Variants in CFTR observed in about 807,000 individuals in gnomAD.
The protein encoded by CFTR is CF transmembrane conductance regulator.
A neutral mutation model predicts 171.6 loss-of-function variants in CFTR; 181 were observed. The observed-to-expected ratio is 1.05, with a 90% CI of 0.93 to 1.19. CFTR has a LOEUF of 1.19. Among genes scored for constraint, CFTR ranks in the 50% most tolerant of loss-of-function variants. CFTR has a pLI of 0.00. For synonymous variants in CFTR, 583 were observed against 608.0 expected, an observed-to-expected ratio of 0.96 and a Z score of 0.60; for missense variants, 1,968 against 1,734.7, an observed-to-expected ratio of 1.13 and a Z score of -2.39.
At chr7:117,568,544 T>G (rs1791639393) in intron 11 of CFTR, among the ~76,000 whole-genome samples, 1 of 152,180 alleles carries the variant, frequency 6.6e-6, no homozygotes, top group African/African-American at 2.4e-5. Context: ...AAAAAAGATG[T>G]CAAAGATGAT....
intron 11 of CFTR, chr7:117,586,408 C>T (rs1324186359): frequency 6.6e-6 from 1 of 152,130 alleles, no homozygotes; most frequent in African/African-American, 2.4e-5. Flanking sequence ...ATTTTTTTCA[C>T]AGGCCTTTTG....
chr7:117,596,119 G>A (rs1432495847), intron 15 of CFTR, among the ~76,000 whole-genome samples: 7 of 152,158 alleles, frequency 4.6e-5, no homozygotes, highest in Admixed American at 4.6e-4. Flanking sequence ...GGCCAGAGCC[G>A]GCTCCCTCAG....
At chr7:117,598,011 T>C (rs1034079294) in intron 15 of CFTR, among the ~76,000 whole-genome samples, 2 of 152,166 alleles carry the variant, frequency 1.3e-5, no homozygotes, top group African/African-American at 4.8e-5. Context: ...GGAGAGCATT[T>C]GTTCTTCAGT....
intron 1 of CFTR, among the ~76,000 whole-genome samples, chr7:117,483,969 A>C (rs1246348251): frequency 6.6e-6 from 1 of 152,222 alleles, no homozygotes; most frequent in African/African-American, 2.4e-5. Context: ...AAAGATGACC[A>C]TTTTGAATGG....
chr7:117,654,428 A>C (rs1055532987), intron 24 of CFTR, among the ~76,000 whole-genome samples: 1 of 152,106 alleles, frequency 6.6e-6, no homozygotes, highest in Non-Finnish European at 1.5e-5. Context: ...GCAATGGAGT[A>C]TGGGGAGCTG....
chr7:117,664,832 G>C lies in CFTR; in HGVS notation c.4108G>C (p.Asp1370His), dbSNP rs760336091. ...CAGTAAGGCGAAGATCTTGCTGCTT[G>C]ATGAACCCAGTGCTCATTTGGATCC... ...VLSKAKILLL[D>H]EPSAHLDPVT... The change falls in exon 25 of 27, where the codon GAT becomes CAT. Residue 1370 changes from aspartate (D) to histidine (H), a missense_variant. Coordinates refer to ENST00000003084, the MANE Select transcript of CFTR (RefSeq NM_000492.4). The C allele has an allele frequency of 2.5e-6, 4 of 1,613,906 alleles. No homozygotes were observed. In the African/African-American group the frequency reaches 4.0e-5, roughly 16 times the overall value.
intron 20 of CFTR, among the ~76,000 whole-genome samples, chr7:117,613,572 A>G (rs1434906557): frequency 6.6e-6 from 1 of 152,154 alleles, no homozygotes; most frequent in Non-Finnish European, 1.5e-5. Context: ...TAAATACTAA[A>G]TAAATGTTAT....
rs537988972 is a variant in CFTR, at chr7:117,492,358, T to G, written c.54-11895T>G. 2.0e-5 allele frequency among the ~76,000 whole-genome samples: 3 copies of G among 152,128 alleles called. No individual in the cohort carries two copies. In the East Asian group the frequency reaches 5.8e-4, roughly 29 times the overall value. On this transcript the variant is annotated intron_variant, in intron 1 of 26. Coordinates refer to ENST00000003084, the MANE Select transcript of CFTR (RefSeq NM_000492.4). ...AATTGAAAAATGTTTTGACCTTTTTTTTTTGGCTTTTAATATATTTGACCA... is the reference window on the plus strand; with the variant it reads ...AATTGAAAAATGTTTTGACCTTTTTGTTTTGGCTTTTAATATATTTGACCA...
intron 7 of CFTR, among the ~76,000 whole-genome samples, chr7:117,538,183 A>T (rs369455277): frequency 1.3e-5 from 2 of 152,178 alleles, no homozygotes; most frequent in African/African-American, 4.8e-5. Flanking sequence ...AGTTGCTCCT[A>T]CTCAAGAGAG....
chr7:117,535,306 G>T lies in CFTR; in HGVS notation c.638G>T (p.Gly213Val). Residue 213 changes from glycine to valine, a missense_variant, in exon 6 of 27, where the codon GGG becomes GTG. Physicochemically the swap from Gly to Val is moderately radical, Grantham distance 109 (BLOSUM62 -3). Transcript: ENST00000003084. ...CCTTTGCAAGTGGCACTCCTCATGGGGCTAATCTGGGAGTTGTTACAGGCG... is the reference window on the plus strand; with the variant it reads ...CCTTTGCAAGTGGCACTCCTCATGGTGCTAATCTGGGAGTTGTTACAGGCG... ...IAPLQVALLMGLIWELLQASA... is the reference protein window; with the variant it reads ...IAPLQVALLMVLIWELLQASA... 6.2e-7 allele frequency: 1 copy of T among 1,614,024 alleles called. No homozygotes were observed. The highest frequency in any genetic ancestry group is 8.5e-7 in the Non-Finnish European group (1 of 1,179,990).
chr7:117,502,423 C>T (rs935843068), intron 1 of CFTR, among the ~76,000 whole-genome samples: 2 of 152,170 alleles, frequency 1.3e-5, no homozygotes, highest in Admixed American at 1.3e-4. Flanking sequence ...CTTTGGAAAG[C>T]GCTAAATACA....
rs121909025 is a variant in CFTR at position 117,509,040 on chromosome 7, G to A, written c.171G>A (p.Trp57Ter). 1 of 1,602,462 alleles carries A rather than the reference G, an allele frequency of 6.2e-7. No individual in the cohort carries two copies. The highest frequency in any genetic ancestry group is 1.3e-5 in the African/African-American group (1 of 74,832). The part of the protein sequence containing the change: ...DNLSEKLERE[W>*]DRELASKKNP... ...ACTTTTTATTCTTTTGCAGAGAATG[G>A]GATAGAGAGCTGGCTTCAAAGAAAA... The change falls in exon 3 of 27, where the codon TGG (tryptophan) becomes TGA (stop). Residue 57 changes from tryptophan (W) to a stop codon, truncating the protein, a stop_gained. Transcript: ENST00000003084. LOFTEE classifies it high-confidence loss of function.
At position 117,535,306 on chromosome 7, in the gene CFTR, G is replaced by A. The variant is rs775701644; in HGVS notation, c.638G>A (p.Gly213Glu). ...IAPLQVALLM[G>E]LIWELLQASA... ...CCTTTGCAAGTGGCACTCCTCATGG[G>A]GCTAATCTGGGAGTTGTTACAGGCG... Residue 213 changes from glycine (G) to glutamate (E), a missense_variant, in exon 6 of 27, where the codon GGG (glycine) becomes GAG (glutamate). Transcript: ENST00000003084. 82 of 1,613,906 alleles carry A rather than the reference G, an allele frequency of 5.1e-5. No homozygotes were observed. Among genetic ancestry groups the A allele is most frequent in the Non-Finnish European group, 6.6e-5 (78 of 1,179,998 alleles).
intron 1 of CFTR, among the ~76,000 whole-genome samples, chr7:117,500,336 G>A (rs1429478665): frequency 7.0e-6 from 1 of 143,328 alleles, no homozygotes; most frequent in Non-Finnish European, 1.5e-5. Context: ...GCCCAGGCTG[G>A]AGTGCAATGG....
intron 22 of CFTR, among the ~76,000 whole-genome samples, chr7:117,628,828 C>G (rs771733891): frequency 1.3e-5 from 2 of 152,068 alleles, no homozygotes; most frequent in Non-Finnish European, 2.9e-5. Flanking sequence ...CATAGGTATT[C>G]ATATCAGTGA....
chr7:117,518,543 A>G (rs967101306), intron 3 of CFTR, among the ~76,000 whole-genome samples: 2 of 146,706 alleles, frequency 1.4e-5, no homozygotes, highest in African/African-American at 5.1e-5. Context: ...ATAAACATAT[A>G]TACATATAGA....
At chr7:117,662,998 C>A (rs1181161772) in intron 24 of CFTR, among the ~76,000 whole-genome samples, 1 of 152,052 alleles carries the variant, frequency 6.6e-6, no homozygotes, top group East Asian at 1.9e-4. Context: ...TGTGTGGTTT[C>A]TCTCAAGCCA....
At chr7:117,627,448 T>C in intron 21 of CFTR, 74 bp from the exon 22 acceptor site, 1 of 1,512,672 alleles carries the variant, frequency 6.6e-7, no homozygotes, top group Non-Finnish European at 9.1e-7. Context: ...CAAGTTATTT[T>C]TTAGGAAGCA....
intron 11 of CFTR, among the ~76,000 whole-genome samples, chr7:117,566,890 T>C (rs1393892307): frequency 6.6e-6 from 1 of 152,216 alleles, no homozygotes; most frequent in East Asian, 1.9e-4. Flanking sequence ...ATCACAATTC[T>C]GGAACAAATT....
Sources: gnomAD v4.1 joint callset for allele counts (sites outside exome capture counted in the v4.1 genomes callset) on GRCh38, gnomAD v4.1.1 for gene constraint, MANE v1.5 for transcripts, NCBI Gene and HGNC (gene_info 2026-07-23, HGNC 2026-07-21) for gene names.